PHACTR2: variants seen among roughly 807,000 people sequenced by gnomAD.
PHACTR2 encodes phosphatase and actin regulator 2.
In PHACTR2, 30 loss-of-function variants were observed where a neutral mutation model predicts 76.0. That is an observed-to-expected ratio of 0.39 (90% confidence interval 0.30 to 0.54). PHACTR2 has a LOEUF of 0.54. Ranked by LOEUF, PHACTR2 falls within the 20% of genes least tolerant of loss-of-function variation. The pLI is 0.61. For synonymous variants in PHACTR2, 292 were observed against 292.5 expected (o/e 1.00, Z 0.02); for missense variants, 696 against 781.1 (o/e 0.89, Z 1.30).
At chr6:143,749,483 G>A (rs574517279) in intron 3 of PHACTR2, among the ~76,000 whole-genome samples, 1 of 152,308 alleles carries the variant, frequency 6.6e-6, no homozygotes, top group East Asian at 1.9e-4. Context: ...TAAAAGAGAA[G>A]AGAGAAGGCA....
In PHACTR2 at chr6:143,652,839, G is replaced by C. The variant is rs538445824; in HGVS notation, c.13+44517G>C. Among the ~76,000 whole-genome samples, 2 of 152,234 alleles carry C rather than the reference G, an allele frequency of 1.3e-5. No homozygotes were observed. Among genetic ancestry groups the C allele is most frequent in the South Asian group, 2.1e-4 (1 of 4,832 alleles). ...GTGTGTGATCTATAATAGGGTCACA[G>C]CTTTATGAAATTCAGTCACTTTGTA... On this transcript the variant is annotated intron_variant, in intron 1 of 11. Coordinates refer to the PHACTR2 transcript ENST00000305766. This position sits in a 1 kb window ranked among gnomAD's most constrained non-coding sequence, Gnocchi z 4.5.
At position 143,782,151 on chromosome 6, in the gene PHACTR2, G is replaced by A. The variant is rs895794093; in HGVS notation, c.1646-1068G>A. On this transcript the variant is annotated intron_variant, in intron 9 of 12. Transcript: ENST00000440869. The surrounding 1 kb of genome is among the most constrained non-coding windows in gnomAD (Gnocchi z 4.6). Reference sequence around the variant, plus strand: ...AAAAAAATTTTTTTTAATTGAACCCGGGAAGCGGAGGTTGCGGTGAGCCAA... The same window carrying A: ...AAAAAAATTTTTTTTAATTGAACCCAGGAAGCGGAGGTTGCGGTGAGCCAA... Among the ~76,000 whole-genome samples the A allele has an allele frequency of 2.6e-5, 4 of 152,018 alleles. No homozygotes were observed. The highest frequency in any genetic ancestry group is 1.5e-5 in the Non-Finnish European group (1 of 68,014).
Position 143,788,763 on chromosome 6 carries a change from C to T in PHACTR2, c.1708-10C>T, listed in dbSNP as rs772457125. ...TACTGAACTCTGCCTTTTTCCTTGT[C>T]CTCCTGCAGCTCAGCCTGAGACCCA... On this transcript the variant is annotated splice_polypyrimidine_tract_variant and intron_variant, in intron 10 of 12. Coordinates refer to ENST00000440869, the MANE Select transcript of PHACTR2 (RefSeq NM_001100164.2). 7.5e-6 allele frequency: 12 copies of T among 1,602,500 alleles called. No individual in the cohort carries two copies. The South Asian group carries it at 1.2e-4, about 16-fold the overall frequency.
At chr6:143,569,770 T>C (rs1465775129) in intron 1 of PHACTR2, among the ~76,000 whole-genome samples, 2 of 152,210 alleles carry the variant, frequency 1.3e-5, no homozygotes, top group African/African-American at 2.4e-5. Flanking sequence ...TCTTTTACAA[T>C]AACATTGGAG....
chr6:143,570,745 T>G lies in PHACTR2; in HGVS notation c.217+33538T>G, dbSNP rs1361060634. On this transcript the variant is annotated intron_variant, in intron 1 of 11. Transcript: ENST00000367584. The surrounding 1 kb of genome is among the most constrained non-coding windows in gnomAD (Gnocchi z 4.6). Reference sequence around the variant, plus strand: ...TGAGGTGCATGTGCAAGTGGAGAAGTAGCAGGTTCATCGACTCGTTCTGGT... The same window carrying G: ...TGAGGTGCATGTGCAAGTGGAGAAGGAGCAGGTTCATCGACTCGTTCTGGT... 6.6e-6 allele frequency among the ~76,000 whole-genome samples: 1 copy of G among 152,156 alleles called. No individual in the cohort carries two copies. The highest frequency in any genetic ancestry group is 2.4e-5 in the African/African-American group (1 of 41,432).
At position 143,623,894 on chromosome 6, in the gene PHACTR2, ATGATGCACAATATTCTGGGTACACTC is replaced by A. The variant is rs1776205508; in HGVS notation, c.13+15573_13+15598del. Reference sequence around the variant, plus strand: ...CACATATTATATTGTCTTACCATGTATGATGCACAATATTCTGGGTACACTCAGAGCACCCCCATAATAAGTTGCTA... The same window carrying A: ...CACATATTATATTGTCTTACCATGTAAGAGCACCCCCATAATAAGTTGCTA... On this transcript the variant is annotated intron_variant, in intron 1 of 11. Transcript: ENST00000305766. The surrounding 1 kb of genome is among the most constrained non-coding windows in gnomAD (Gnocchi z 5.9). Among the ~76,000 whole-genome samples, 1 of 152,194 alleles carries A rather than the reference ATGATGCACAATATTCTGGGTACACTC, an allele frequency of 6.6e-6. No individual in the cohort carries two copies. The highest frequency in any genetic ancestry group is 1.5e-5 in the Non-Finnish European group (1 of 68,038).
intron 1 of PHACTR2, among the ~76,000 whole-genome samples, chr6:143,668,110 TC>T (rs772413108): frequency 3.5e-4 from 54 of 152,212 alleles, no homozygotes; most frequent in Non-Finnish European, 7.3e-5. Flanking sequence ...GTCAAAGGCC[TC>T]TTCTGCATCT....
In PHACTR2 at chr6:143,617,663, G is replaced by A. The variant is rs1231627417; in HGVS notation, c.13+9341G>A. Among the ~76,000 whole-genome samples, 1 of 152,120 alleles carries A rather than the reference G, an allele frequency of 6.6e-6. No individual in the cohort carries two copies. Among genetic ancestry groups the A allele is most frequent in the Non-Finnish European group, 1.5e-5 (1 of 68,044 alleles). On this transcript the variant is annotated intron_variant, in intron 1 of 11. Coordinates refer to the PHACTR2 transcript ENST00000305766. The surrounding 1 kb of genome is among the most constrained non-coding windows in gnomAD (Gnocchi z 4.8). ...CCCTCCAGTCTAGCAGGCCAGTCTA[G>A]CTGAGATTTTGTGCTTGGGAATTAT...
chr6:143,645,992 T>C (rs1266057985), intron 1 of PHACTR2, among the ~76,000 whole-genome samples: 1 of 152,116 alleles, frequency 6.6e-6, no homozygotes, highest in Non-Finnish European at 1.5e-5. Flanking sequence ...TATATAACAA[T>C]AGTCTATCAG....
At chr6:143,565,081 G>A (rs898578098) in intron 1 of PHACTR2, among the ~76,000 whole-genome samples, 1 of 152,126 alleles carries the variant, frequency 6.6e-6, no homozygotes, top group African/African-American at 2.4e-5. Flanking sequence ...GTTGCAAGTG[G>A]CTGGAATGGA....
In PHACTR2 at chr6:143,591,066, A is replaced by G. The variant is rs986199865; in HGVS notation, c.217+53859A>G. ...GCATTTCTTATGATAATTTTATGTA[A>G]GTATTTGAGACAATATTTTGAAATA... On this transcript the variant is annotated intron_variant, in intron 1 of 11. Transcript: ENST00000367584. The surrounding 1 kb of genome is among the most constrained non-coding windows in gnomAD (Gnocchi z 6.4). 6.6e-6 allele frequency among the ~76,000 whole-genome samples: 1 copy of G among 152,234 alleles called. No homozygotes were observed. The highest frequency in any genetic ancestry group is 2.4e-5 in the African/African-American group (1 of 41,458).
rs3924968 is a variant in PHACTR2, at chr6:143,658,286, T to A, written c.13+49964T>A. Among the ~76,000 whole-genome samples, 66,979 of 152,042 alleles carry A rather than the reference T, an allele frequency of 0.44. 14,958 individuals are homozygous for A. The highest frequency in any genetic ancestry group is 0.58 in the South Asian group (2,805 of 4,812). ...ACAAATATAGAAATACACCTTCAAATTAACAAGGGAAATTCAGGTGAAACT... is the reference window on the plus strand; with the variant it reads ...ACAAATATAGAAATACACCTTCAAAATAACAAGGGAAATTCAGGTGAAACT... On this transcript the variant is annotated intron_variant, in intron 1 of 11. Coordinates refer to the PHACTR2 transcript ENST00000305766. The surrounding 1 kb of genome is among the most constrained non-coding windows in gnomAD (Gnocchi z 4.1).
At position 143,550,946 on chromosome 6, in the gene PHACTR2, G is replaced by T. The variant is rs145857463; in HGVS notation, c.217+13739G>T. Among the ~76,000 whole-genome samples, 1 of 152,108 alleles carries T rather than the reference G, an allele frequency of 6.6e-6. No homozygotes were observed. Among genetic ancestry groups the T allele is most frequent in the African/African-American group, 2.4e-5 (1 of 41,544 alleles). Reference sequence around the variant, plus strand: ...CCCAGCTACTTGGGAACTGAGGCAGGAGGATCACTTGAGCCTGGGAGGTTG... The same window carrying T: ...CCCAGCTACTTGGGAACTGAGGCAGTAGGATCACTTGAGCCTGGGAGGTTG... On this transcript the variant is annotated intron_variant, in intron 1 of 11. Coordinates refer to the PHACTR2 transcript ENST00000367584. This position sits in a 1 kb window ranked among gnomAD's most constrained non-coding sequence, Gnocchi z 4.8.
chr6:143,812,585 G>T (rs1044703388), intron 12 of PHACTR2, among the ~76,000 whole-genome samples: 3 of 152,182 alleles, frequency 2.0e-5, no homozygotes, highest in Admixed American at 1.3e-4. Context: ...GTATTTTCCA[G>T]ATGGTGCCCT....
intron 1 of PHACTR2, among the ~76,000 whole-genome samples, chr6:143,637,648 G>A (rs1463511598): frequency 6.6e-6 from 1 of 152,230 alleles, no homozygotes; most frequent in African/African-American, 2.4e-5. Flanking sequence ...CAGTCCTCAT[G>A]TGGAGGCTTG....
rs1166846468 is a variant in PHACTR2, at chr6:143,616,224, C to T, written c.13+7902C>T. Among the ~76,000 whole-genome samples the T allele has an allele frequency of 6.6e-6, 1 of 152,138 alleles. No individual in the cohort carries two copies. ...CAATTTTTTCCAAATATTTAATCTT[C>T]TAATTAGGAATAGTGATTGAAATTG... On this transcript the variant is annotated intron_variant, in intron 1 of 11. Transcript: ENST00000305766. This position sits in a 1 kb window ranked among gnomAD's most constrained non-coding sequence, Gnocchi z 4.9.
At position 143,750,668 on chromosome 6, in the gene PHACTR2, A is replaced by G. The variant is rs1779161890; in HGVS notation, c.295+1603A>G. ...AAGTAGCAATAGTCAATTTAAAGAA[A>G]TGATTTTTATTCTGCCGAATCTGTG... On this transcript the variant is annotated intron_variant, in intron 3 of 12. Transcript: ENST00000440869. The surrounding 1 kb of genome is among the most constrained non-coding windows in gnomAD (Gnocchi z 4.6). Among the ~76,000 whole-genome samples the G allele has an allele frequency of 6.6e-6, 1 of 152,218 alleles. No individual in the cohort carries two copies. The highest frequency in any genetic ancestry group is 1.5e-5 in the Non-Finnish European group (1 of 68,040).
In PHACTR2 at chr6:143,561,002, G is replaced by A. The variant is rs1346037492; in HGVS notation, c.217+23795G>A. Among the ~76,000 whole-genome samples, 1 of 151,838 alleles carries A rather than the reference G, an allele frequency of 6.6e-6. No homozygotes were observed. Among genetic ancestry groups the A allele is most frequent in the Non-Finnish European group, 1.5e-5 (1 of 67,978 alleles). On this transcript the variant is annotated intron_variant, in intron 1 of 11. Transcript: ENST00000367584. This position sits in a 1 kb window ranked among gnomAD's most constrained non-coding sequence, Gnocchi z 4.1. ...GGCTTAGAACCAGCAAGGACTCTGG[G>A]GGGCTTTAAGTAATAAACTGGCCAG...
chr6:143,621,326 C>T lies in PHACTR2; in HGVS notation c.13+13004C>T, dbSNP rs553968089. Among the ~76,000 whole-genome samples the T allele has an allele frequency of 2.8e-4, 43 of 152,222 alleles. No homozygotes were observed. The highest frequency in any genetic ancestry group is 4.7e-4 in the Non-Finnish European group (32 of 68,012). On this transcript the variant is annotated intron_variant, in intron 1 of 11. Coordinates refer to the PHACTR2 transcript ENST00000305766. This position sits in a 1 kb window ranked among gnomAD's most constrained non-coding sequence, Gnocchi z 4.1. ...TGACAACAAAGAAAACTCAGGAGGG[C>T]GCGAATGAGTTCCTGTGGATCCCGA...
Sources: gnomAD v4.1 joint callset for allele counts (sites outside exome capture counted in the v4.1 genomes callset) on GRCh38, gnomAD v4.1.1 for gene constraint, Gnocchi (gnomAD v3.1) non-coding constraint, MANE v1.5 for transcripts, NCBI Gene and HGNC (gene_info 2026-07-23, HGNC 2026-07-21) for gene names.